The following ADCY3 variants were observed in gnomAD, a reference collection of about 807,000 sequenced individuals.
The protein encoded by ADCY3 is adenylate cyclase type 3.
A neutral mutation model predicts 119.4 loss-of-function variants in ADCY3; 70 were observed. That is an observed-to-expected ratio of 0.59 (90% CI 0.48 to 0.72). ADCY3 has a LOEUF of 0.72. Ranked by LOEUF, ADCY3 falls within the 30% of genes least tolerant of loss-of-function variation. The pLI is 0.00. For synonymous variants in ADCY3, 672 were observed against 621.4 expected, an observed-to-expected ratio of 1.08 and a Z score of -1.21; for missense variants, 1,238 against 1,541.6, an observed-to-expected ratio of 0.80 and a Z score of 3.30.
chr2:24,836,890 A>G, intron 9 of ADCY3, 27 bp downstream of exon 9: 2 of 1,574,248 alleles, frequency 1.3e-6, no homozygotes, highest in Non-Finnish European at 1.7e-6. Flanking sequence ...GCCCTCAGTG[A>G]CCCCCTGCCC....
intron 9 of ADCY3, among the ~76,000 whole-genome samples, chr2:24,835,598 G>C (rs1236993084): frequency 6.6e-6 from 1 of 152,154 alleles, no homozygotes. Flanking sequence ...GACGGGCTGA[G>C]AGCTGTCTGA....
chr2:24,850,905 G>T (rs1351672844), intron 3 of ADCY3, among the ~76,000 whole-genome samples: 1 of 152,190 alleles, frequency 6.6e-6, no homozygotes, highest in East Asian at 1.9e-4. Context: ...GCTGACGCTG[G>T]GATCTATGTG....
rs576963511 is a variant in ADCY3 at position 24,917,231 on chromosome 2, C to T, written c.675+1082G>A. On this transcript the variant is annotated intron_variant, in intron 2 of 21. Transcript: ENST00000679454. ...CGTCAGTCAGCAAGGATTCTGGGCACGCCCTGCCTCTCCTGACACCCAGAA... is the reference window on the plus strand; with the variant it reads ...CGTCAGTCAGCAAGGATTCTGGGCATGCCCTGCCTCTCCTGACACCCAGAA... Among the ~76,000 whole-genome samples the T allele has an allele frequency of 2.9e-4, 44 of 152,344 alleles. 1 individual carries two copies. Among genetic ancestry groups the T allele is most frequent in the Admixed American group, 9.1e-4 (14 of 15,302 alleles).
chr2:24,846,350 G>T (rs138996200), intron 3 of ADCY3, among the ~76,000 whole-genome samples: 2 of 152,332 alleles, frequency 1.3e-5, no homozygotes, highest in African/African-American at 4.8e-5. Flanking sequence ...AGCTGCCCGA[G>T]ACTATGGGAA....
intron 17 of ADCY3, among the ~76,000 whole-genome samples, chr2:24,823,724 C>T (rs1439742374): frequency 7.0e-6 from 1 of 143,304 alleles, no homozygotes; most frequent in Non-Finnish European, 1.5e-5. Flanking sequence ...TGGAGTCTTG[C>T]TGTGTCACCC....
chr2:24,838,685 C>T, intron 7 of ADCY3, 63 bp from the exon 8 acceptor site: 2 of 1,604,602 alleles, frequency 1.2e-6, no homozygotes, highest in Non-Finnish European at 1.7e-6. Context: ...CCCCAGGGGA[C>T]AGTCCACGGA....
chr2:24,908,869 G>A (rs745925804), intron 2 of ADCY3, among the ~76,000 whole-genome samples: 10 of 149,844 alleles, frequency 6.7e-5, no homozygotes, highest in African/African-American at 2.5e-4. Flanking sequence ...GCAGGGGCGG[G>A]TTACAGATGT....
chr2:24,858,488 C>T (rs113960159), intron 3 of ADCY3, among the ~76,000 whole-genome samples: 2,876 of 152,230 alleles, frequency 0.019, 81 homozygotes, highest in African/African-American at 0.057. Context: ...GGAGGAAGTG[C>T]CAGCTGGTAA....
At chr2:24,914,401 A>G (rs768251281) in intron 2 of ADCY3, among the ~76,000 whole-genome samples, 3 of 152,160 alleles carry the variant, frequency 2.0e-5, no homozygotes, top group Non-Finnish European at 4.4e-5. Context: ...TCCTCTGGAC[A>G]GCGGCTCACA....
rs1404240491 is a variant in ADCY3, at chr2:24,918,561, G to T, written c.427C>A (p.Leu143Met). The stretch of plus-strand genomic sequence containing the variant: ...ATCTGGGCGGTTATGAGCAGCCACA[G>T]CACGTAGGGCAGCACTCTGCGGGTG... The part of the protein sequence containing the change: ...RVTRRVLPYV[L>M]WLLITAQIFS... Residue 143 changes from leucine (L) to methionine (M), a missense_variant, in exon 2 of 22, where the codon CTG (leucine) becomes ATG (methionine). Coordinates refer to ENST00000679454, the MANE Select transcript of ADCY3 (RefSeq NM_004036.5). The surrounding 1 kb of genome is among the most constrained non-coding windows in gnomAD (Gnocchi z 5.4). The T allele has an allele frequency of 6.2e-7, 1 of 1,614,140 alleles. No individual in the cohort carries two copies. The highest frequency in any genetic ancestry group is 8.5e-7 in the Non-Finnish European group (1 of 1,180,026).
At chr2:24,826,311 C>T (rs921790439) in intron 15 of ADCY3, 185 bp from the exon 16 acceptor site, 48 of 579,234 alleles carry the variant, frequency 8.3e-5, no homozygotes, top group Non-Finnish European at 2.8e-5. Flanking sequence ...TCACTGGGCT[C>T]CTCTCCAACA....
chr2:24,878,168 A>T lies in ADCY3; in HGVS notation c.676-5449T>A. 3.8e-6 allele frequency: 1 copy of T among 264,404 alleles called. No individual in the cohort carries two copies. Among genetic ancestry groups the T allele is most frequent in the Admixed American group, 4.5e-5 (1 of 22,236 alleles). 16.4% of individuals were successfully genotyped at this position (264,404 alleles called of 1,614,324 possible). ...CAACATTTTTAGAATAATAAAATGC[A>T]TCTCCCAAATGGATAAACACTTGGA... is the stretch of plus-strand genomic sequence containing the variant. On this transcript the variant is annotated intron_variant, in intron 2 of 21. Coordinates refer to ENST00000679454, the MANE Select transcript of ADCY3 (RefSeq NM_004036.5). This position sits in a 1 kb window ranked among gnomAD's most constrained non-coding sequence, Gnocchi z 4.0.
chr2:24,863,909 A>G (rs1035440102), intron 3 of ADCY3, among the ~76,000 whole-genome samples: 15 of 152,204 alleles, frequency 9.9e-5, no homozygotes, highest in African/African-American at 3.4e-4. Context: ...TCCAAAAGCA[A>G]TGAGGTATTT....
intron 13 of ADCY3, among the ~76,000 whole-genome samples, chr2:24,829,845 G>A (rs1021275438): frequency 4.0e-5 from 6 of 151,500 alleles, no homozygotes; most frequent in African/African-American, 1.5e-4. Flanking sequence ...ACTGATGACA[G>A]CTCCAGGCAT....
In ADCY3 at chr2:24,919,286, C is replaced by T. The variant is rs772236091; in HGVS notation, c.-197-102G>A. ...ATAAAAGGATCTCTGCTGCAAGAGC[C>T]TCCCAACCCAGGGCCTTCCCTGCCA... On this transcript the variant is annotated intron_variant, in intron 1 of 21. Coordinates refer to ENST00000679454, the MANE Select transcript of ADCY3 (RefSeq NM_004036.5). The surrounding 1 kb of genome is among the most constrained non-coding windows in gnomAD (Gnocchi z 5.5). 50 of 351,598 alleles carry T rather than the reference C, an allele frequency of 1.4e-4. No individual in the cohort carries two copies. Among genetic ancestry groups the T allele is most frequent in the Non-Finnish European group, 2.5e-4 (47 of 189,648 alleles). 21.8% of individuals were successfully genotyped at this position (351,598 alleles called of 1,614,324 possible).
At chr2:24,860,889 A>G (rs1673551848) in intron 3 of ADCY3, among the ~76,000 whole-genome samples, 1 of 152,096 alleles carries the variant, frequency 6.6e-6, no homozygotes, top group African/African-American at 2.4e-5. Flanking sequence ...CCCAGCGAGG[A>G]GACACCTGCT....
intron 2 of ADCY3, among the ~76,000 whole-genome samples, chr2:24,874,083 T>C (rs7567997): frequency 0.54 from 81,803 of 152,042 alleles, 24,583 homozygotes; most frequent in African/African-American, 0.83. Flanking sequence ...TATGCCATAT[T>C]CCCTGAACTG....
chr2:24,829,597 A>G (rs893883420), intron 13 of ADCY3, among the ~76,000 whole-genome samples: 5 of 150,382 alleles, frequency 3.3e-5, no homozygotes, highest in Non-Finnish European at 7.4e-5. Context: ...ATTTTTTTGT[A>G]TTTTTAGTAG....
chr2:24,824,333 G>C, intron 17 of ADCY3, 45 bp downstream of exon 17: 1 of 1,601,524 alleles, frequency 6.2e-7, no homozygotes, highest in South Asian at 1.1e-5. Context: ...AGAACAGATG[G>C]AGACAAATGG....
Sources: gnomAD v4.1 joint callset for allele counts (sites outside exome capture counted in the v4.1 genomes callset) on GRCh38, gnomAD v4.1.1 for gene constraint, Gnocchi (gnomAD v3.1) non-coding constraint, MANE v1.5 for transcripts, NCBI Gene and HGNC (gene_info 2026-07-23, HGNC 2026-07-21) for gene names.